Variants in COTL1 observed in about 807,000 individuals in gnomAD.
COTL1 encodes the protein coactosin like F-actin binding protein 1, also known as coactosin-like protein.
In COTL1, 15 loss-of-function variants were observed where a neutral mutation model predicts 16.5. The ratio of observed to expected loss-of-function variants is 0.91; its 90% CI spans 0.61 to 1.40. The LOEUF (loss-of-function observed/expected upper bound fraction) is 1.40, where lower values mean the gene tolerates loss of function less well. Ranked by LOEUF, COTL1 falls within the 40% of genes most tolerant of loss-of-function variation. The pLI, the probability that COTL1 is intolerant of heterozygous loss-of-function variation, is 0.00. For missense variants in COTL1, 220 were observed against 201.5 expected, an observed-to-expected ratio of 1.09 and a Z score of -0.56; for synonymous variants, 112 against 85.3, an observed-to-expected ratio of 1.31 and a Z score of -1.73.
Position 84,585,433 on chromosome 16 carries a change from G to A in COTL1, c.318+4672C>T, listed in dbSNP as rs55778560. ...CGTGCAATTAATTTACACCCTCCACGTTTCACACAAAGCACAAGAATGCAT... is the reference window on the plus strand; with the variant it reads ...CGTGCAATTAATTTACACCCTCCACATTTCACACAAAGCACAAGAATGCAT... On this transcript the variant is annotated intron_variant, in intron 3 of 3. Coordinates refer to ENST00000262428, the MANE Select transcript of COTL1 (RefSeq NM_021149.5). 8.6e-3 allele frequency among the ~76,000 whole-genome samples: 1,308 copies of A among 151,670 alleles called. 17 individuals carry two copies. Among genetic ancestry groups the A allele is most frequent in the African/African-American group, 0.029 (1,206 of 41,304 alleles).
At chr16:84,598,824 T>TG (rs1180721842) in intron 2 of COTL1, among the ~76,000 whole-genome samples, 14 of 19,522 alleles carry the variant, frequency 7.2e-4, no homozygotes, top group South Asian at 2.4e-3. Context: ...GCGGCAGGGG[T>TG]GGGGGGGAGC....
intron 3 of COTL1, among the ~76,000 whole-genome samples, chr16:84,579,661 C>G (rs1904535008): frequency 6.6e-6 from 1 of 152,192 alleles, no homozygotes; most frequent in African/African-American, 2.4e-5. Flanking sequence ...TGTCGGAACC[C>G]TTTCGGCAAA....
intron 3 of COTL1, among the ~76,000 whole-genome samples, chr16:84,570,519 G>C (rs1904321752): frequency 6.7e-6 from 1 of 148,874 alleles, no homozygotes; most frequent in South Asian, 2.1e-4. Context: ...CTACATACCA[G>C]AGACATATTT....
At chr16:84,605,097 T>G (rs2150694632) in intron 2 of COTL1, among the ~76,000 whole-genome samples, 1 of 152,292 alleles carries the variant, frequency 6.6e-6, no homozygotes, top group South Asian at 2.1e-4. Flanking sequence ...AGAAATGGCC[T>G]CTAAACAACA....
At chr16:84,569,881 T>A (rs1904316049) in intron 3 of COTL1, among the ~76,000 whole-genome samples, 1 of 152,218 alleles carries the variant, frequency 6.6e-6, no homozygotes, top group South Asian at 2.1e-4. Context: ...AGAAGAAAAG[T>A]CCAAAGTTCC....
intron 2 of COTL1, among the ~76,000 whole-genome samples, chr16:84,605,056 C>A (rs996222246): frequency 5.9e-5 from 9 of 152,248 alleles, no homozygotes; most frequent in African/African-American, 2.2e-4. Flanking sequence ...CCCAGACACA[C>A]GCACAGGCTT....
Position 84,566,789 on chromosome 16 carries a change from T to TC in COTL1, c.*55dup. On this transcript the variant is annotated 3_prime_UTR_variant, in exon 4 of 4. Coordinates refer to ENST00000262428, the MANE Select transcript of COTL1 (RefSeq NM_021149.5). The stretch of plus-strand genomic sequence containing the variant: ...CTAGTAGCTGAGGCCGGCGGTCCTC[T>TC]CCCCCGGGGAGCAGGCAGATGACTT... 1 of 1,262,586 alleles carries TC rather than the reference T, an allele frequency of 7.9e-7. No homozygotes were observed. The highest frequency in any genetic ancestry group is 1.2e-5 in the South Asian group (1 of 81,792). The allele number at this position is 1,262,586 out of a possible 1,614,324, so 78.2% of individuals were successfully genotyped here.
intron 3 of COTL1, among the ~76,000 whole-genome samples, chr16:84,588,584 C>T (rs944436924): frequency 1.3e-5 from 2 of 152,190 alleles, no homozygotes; most frequent in Non-Finnish European, 2.9e-5. Context: ...GATCTTGGCT[C>T]ACTGCAGCCT....
At chr16:84,613,568 A>G (rs1382093832) in intron 2 of COTL1, among the ~76,000 whole-genome samples, 1 of 152,168 alleles carries the variant, frequency 6.6e-6, no homozygotes, top group Non-Finnish European at 1.5e-5. Context: ...AGTGTAATCC[A>G]ATGGGGCAGA....
intron 2 of COTL1, among the ~76,000 whole-genome samples, chr16:84,604,314 C>G (rs573871506): frequency 8.0e-5 from 9 of 112,654 alleles, no homozygotes; most frequent in African/African-American, 2.9e-4. Context: ...TCCCCACCCA[C>G]GCTCCCCTCC....
intron 2 of COTL1, among the ~76,000 whole-genome samples, chr16:84,615,520 G>C (rs565750236): frequency 6.6e-6 from 1 of 152,314 alleles, no homozygotes; most frequent in Non-Finnish European, 1.5e-5. Context: ...GGTTTGATGG[G>C]GGAAGGGAGG....
chr16:84,566,341 G>A lies in COTL1; in HGVS notation c.*504C>T, dbSNP rs1000420430. The A allele has an allele frequency of 6.5e-6, 1 of 153,254 alleles. No homozygotes were observed. 9.5% of individuals were successfully genotyped at this position (153,254 alleles called of 1,614,324 possible). ...GGGCCTTAGTAGGGAATGGACGTGT[G>A]TGCTTATGAAGGCTGCAGGCACCGG... On this transcript the variant is annotated 3_prime_UTR_variant, in exon 4 of 4. Coordinates refer to ENST00000262428, the MANE Select transcript of COTL1 (RefSeq NM_021149.5).
Position 84,599,409 on chromosome 16 carries a change from A to C in COTL1, c.161-9147T>G, listed in dbSNP as rs535109596. 4.6e-5 allele frequency among the ~76,000 whole-genome samples: 7 copies of C among 152,318 alleles called. No homozygotes were observed. In the South Asian group the frequency reaches 1.2e-3, roughly 27 times the overall value. ...CTAGGTGTAGAATAATGAGAAACAC[A>C]AAAAAGCAAAATGAAGAAATTAAGG... On this transcript the variant is annotated intron_variant, in intron 2 of 3. Transcript: ENST00000262428.
chr16:84,613,462 T>C (rs1250770009), intron 2 of COTL1, among the ~76,000 whole-genome samples: 1 of 151,588 alleles, frequency 6.6e-6, no homozygotes, highest in Non-Finnish European at 1.5e-5. Context: ...AATGTTACAG[T>C]GTTGGGCTGC....
chr16:84,568,001 C>T (rs574137001), intron 3 of COTL1: 2 of 152,160 alleles, frequency 1.3e-5, no homozygotes, highest in South Asian at 4.1e-4. Context: ...TAAACAATGA[C>T]CACCATTTTT....
intron 2 of COTL1, among the ~76,000 whole-genome samples, chr16:84,597,538 C>T (rs537522712): frequency 3.9e-5 from 6 of 152,264 alleles, no homozygotes; most frequent in African/African-American, 9.6e-5. Context: ...CTGATCCAGA[C>T]GCTGGGAGTG....
At chr16:84,587,219 G>A (rs994348620) in intron 3 of COTL1, among the ~76,000 whole-genome samples, 2 of 152,236 alleles carry the variant, frequency 1.3e-5, no homozygotes, top group South Asian at 2.1e-4. Flanking sequence ...CAGACAGGGT[G>A]CAGACAGCAG....
chr16:84,596,414 GT>G (rs1905006369), intron 2 of COTL1: 1 of 152,218 alleles, frequency 6.6e-6, no homozygotes, highest in African/African-American at 2.4e-5. Context: ...ACCTCATAAA[GT>G]GGTTGGGAGG....
chr16:84,614,543 G>A (rs1227211904), intron 2 of COTL1, among the ~76,000 whole-genome samples: 1 of 152,130 alleles, frequency 6.6e-6, no homozygotes, highest in African/African-American at 2.4e-5. Context: ...GGCCAGGGAA[G>A]GGGGTGTTTC....
Sources: allele counts gnomAD v4.1 joint callset (sites outside exome capture counted in the v4.1 genomes callset), GRCh38; gene constraint gnomAD v4.1.1; transcripts MANE v1.5; gene names NCBI Gene and HGNC (gene_info 2026-07-23, HGNC 2026-07-21).